The following KTN1 variants were observed in gnomAD, a reference collection of about 807,000 sequenced individuals.
The protein encoded by KTN1 is kinectin 1.
In KTN1, 130 loss-of-function variants were observed where a neutral mutation model predicts 222.5. The observed-to-expected ratio is 0.58, with a 90% CI of 0.51 to 0.68. The LOEUF (loss-of-function observed/expected upper bound fraction) is 0.68. KTN1 is among the 30% of genes least tolerant of loss of function. The pLI, the probability that KTN1 is intolerant of heterozygous loss-of-function variation, is 0.00. For missense variants in KTN1, 1,508 were observed against 1,500.4 expected, an observed-to-expected ratio of 1.01 and a Z score of -0.08; for synonymous variants, 512 against 496.3, an observed-to-expected ratio of 1.03 and a Z score of -0.42.
chr14:55,634,474 C>G, intron 8 of KTN1, 52 bp from the exon 9 acceptor site: 1 of 1,499,256 alleles, frequency 6.7e-7, no homozygotes, highest in Non-Finnish European at 8.9e-7. Context: ...TTGTTTATTT[C>G]TTATATATAT....
intron 41 of KTN1, among the ~76,000 whole-genome samples, chr14:55,676,308 G>A (rs1415370324): frequency 6.6e-6 from 1 of 151,892 alleles, no homozygotes; most frequent in Non-Finnish European, 1.5e-5. Flanking sequence ...TTTTTTAGAT[G>A]TTTTTCCTTC....
intron 1 of KTN1, among the ~76,000 whole-genome samples, chr14:55,608,253 C>G (rs964007391): frequency 6.6e-6 from 1 of 152,078 alleles, no homozygotes; most frequent in African/African-American, 2.4e-5. Flanking sequence ...TTCTGATGCT[C>G]ATGGGTAAAA....
At chr14:55,634,088 T>A (rs1002144191) in intron 8 of KTN1, among the ~76,000 whole-genome samples, 7 of 151,980 alleles carry the variant, frequency 4.6e-5, no homozygotes, top group Non-Finnish European at 1.0e-4. Flanking sequence ...GAGCCCAGAT[T>A]GTGCCACTGT....
At chr14:55,676,513 T>C (rs2141372068) in intron 41 of KTN1, among the ~76,000 whole-genome samples, 1 of 152,250 alleles carries the variant, frequency 6.6e-6, no homozygotes, top group East Asian at 1.9e-4. Context: ...ATATCATCAT[T>C]AGCAAAACAA....
intron 4 of KTN1, among the ~76,000 whole-genome samples, chr14:55,618,759 A>G (rs1379657104): frequency 1.3e-5 from 2 of 152,090 alleles, no homozygotes; most frequent in African/African-American, 4.8e-5. Flanking sequence ...TTATCTTAGA[A>G]CTTATTTTCT....
chr14:55,639,295 T>G (rs2274077), intron 13 of KTN1, 73 bp downstream of exon 13: 3 of 1,062,640 alleles, frequency 2.8e-6, no homozygotes, highest in Admixed American at 1.8e-5. Flanking sequence ...GCGACACTTA[T>G]GATTAACTTT....
At chr14:55,651,798 A>G in intron 24 of KTN1, 92 bp from the exon 25 acceptor site, 1 of 789,432 alleles carries the variant, frequency 1.3e-6, no homozygotes, top group Non-Finnish European at 2.1e-6. Flanking sequence ...GTTTCTTTGT[A>G]ATTTGAAGTG....
Position 55,601,343 on chromosome 14 carries a change from T to G in KTN1, c.-30-10676T>G, listed in dbSNP as rs556616418. 5.3e-5 allele frequency among the ~76,000 whole-genome samples: 8 copies of G among 152,328 alleles called. No homozygotes were observed. In the South Asian group the frequency reaches 1.7e-3, roughly 32 times the overall value. On this transcript the variant is annotated intron_variant, in intron 1 of 43. Transcript: ENST00000395314. The stretch of plus-strand genomic sequence containing the variant: ...TTTAGTGTGGTCTATAAAGTTAATC[T>G]TAGAAAAGATACTGTAAATGGGATT...
chr14:55,646,460 T>TTTTCCCTTTCCTTTCC (rs1566788057), intron 18 of KTN1, among the ~76,000 whole-genome samples: 19 of 48,980 alleles, frequency 3.9e-4, no homozygotes, highest in South Asian at 2.4e-3. Context: ...TTCCTTTTCC[T>TTTTCCCTTTCCTTTCC]TTTCCTTTCC....
At chr14:55,593,445 C>CA (rs200975637) in intron 1 of KTN1, among the ~76,000 whole-genome samples, 8,245 of 139,634 alleles carry the variant, frequency 0.059, 389 homozygotes, top group South Asian at 0.091. Context: ...CACCCCCCCC[C>CA]CAAAAAAAAA....
At chr14:55,659,741 A>G in intron 31 of KTN1, 38 bp downstream of exon 31, 1 of 1,117,328 alleles carries the variant, frequency 8.9e-7, no homozygotes, top group Non-Finnish European at 1.4e-6. Flanking sequence ...ATAAAGTCGT[A>G]ACTATTTTTA....
chr14:55,598,395 A>C (rs1460421790), intron 1 of KTN1, among the ~76,000 whole-genome samples: 3 of 150,540 alleles, frequency 2.0e-5, no homozygotes, highest in African/African-American at 4.9e-5. Context: ...AGAACCCGCC[A>C]CTGCACTCCA....
intron 17 of KTN1, 81 bp downstream of exon 17, chr14:55,641,289 GT>G: frequency 2.6e-6 from 2 of 776,664 alleles, no homozygotes; most frequent in Non-Finnish European, 4.2e-6. Context: ...GAAATACTAC[GT>G]TTTGTATGAA....
chr14:55,678,444 G>T lies in KTN1; in HGVS notation c.3948G>T (p.Thr1316=). ...VIENSDVSPE[T]ESSEKETMSV... is the part of the protein sequence containing the mutation. The stretch of plus-strand genomic sequence containing the variant: ...AAAATAGTGATGTTTCCCCAGAAAC[G>T]GTATGTATTTTCTTCATCCCCAGAT... Residue 1316 remains threonine, a splice_region_variant and synonymous_variant, in exon 42 of 44, where the codon ACG becomes ACT. Coordinates refer to ENST00000395314, the MANE Select transcript of KTN1 (RefSeq NM_001079521.2). 6.3e-7 allele frequency: 1 copy of T among 1,587,326 alleles called. No individual in the cohort carries two copies. Among genetic ancestry groups the T allele is most frequent in the South Asian group, 1.1e-5 (1 of 90,464 alleles).
Position 55,633,479 on chromosome 14 carries a change from A to G in KTN1, c.1328+138A>G, listed in dbSNP as rs2040759524. ...GTTTCTAAAATGAGTTACTTTTAAA[A>G]ACAATTCTCTTTTGCTTTGTGAAGA... On this transcript the variant is annotated intron_variant, in intron 8 of 43. Coordinates refer to ENST00000395314, the MANE Select transcript of KTN1 (RefSeq NM_001079521.2). The G allele has an allele frequency of 5.9e-6, 3 of 508,436 alleles. No individual in the cohort carries two copies. The South Asian group carries it at 1.2e-4, about 20-fold the overall frequency. The allele number at this position is 508,436 out of a possible 1,614,324, so 31.5% of individuals were successfully genotyped here.
intron 28 of KTN1, among the ~76,000 whole-genome samples, chr14:55,655,237 C>G (rs2043348692): frequency 6.6e-6 from 1 of 152,102 alleles, no homozygotes; most frequent in Non-Finnish European, 1.5e-5. Context: ...CCTTGGCCTC[C>G]CAAAATGCTG....
intron 5 of KTN1, among the ~76,000 whole-genome samples, chr14:55,624,167 T>C (rs191979119): frequency 7.0e-4 from 106 of 152,354 alleles, no homozygotes; most frequent in African/African-American, 2.4e-3. Context: ...TTTGTAGGTC[T>C]CCTGAATCTG....
chr14:55,671,984 A>G (rs377025530), intron 37 of KTN1, 107 bp downstream of exon 37: 15 of 679,768 alleles, frequency 2.2e-5, no homozygotes, highest in East Asian at 7.9e-5. Flanking sequence ...CAGCTACCAA[A>G]TCCAAAACAT....
intron 7 of KTN1, among the ~76,000 whole-genome samples, chr14:55,632,884 G>A (rs1485047327): frequency 6.6e-6 from 1 of 152,048 alleles, no homozygotes; most frequent in East Asian, 1.9e-4. Context: ...ATGTATAATT[G>A]ACATAAGATC....
Sources: gnomAD v4.1 joint callset for allele counts (sites outside exome capture counted in the v4.1 genomes callset) on GRCh38, gnomAD v4.1.1 for gene constraint, MANE v1.5 for transcripts, NCBI Gene and HGNC (gene_info 2026-07-23, HGNC 2026-07-21) for gene names.